CTNNA2: variants seen among roughly 807,000 people sequenced by gnomAD.
The protein encoded by CTNNA2 is catenin alpha-2.
In CTNNA2, 42 loss-of-function variants were observed where a neutral mutation model predicts 101.0. That is an observed-to-expected ratio of 0.42 (90% CI 0.32 to 0.54). The LOEUF is 0.54. CTNNA2 is among the 20% of genes least tolerant of loss of function. The pLI, the probability that CTNNA2 is intolerant of heterozygous loss-of-function variation, is 0.14. For synonymous variants in CTNNA2, 450 were observed against 456.4 expected, an observed-to-expected ratio of 0.99 and a Z score of 0.18; for missense variants, 871 against 1,223.1, an observed-to-expected ratio of 0.71 and a Z score of 4.29.
At chr2:80,243,132 A>G (rs1324844854) in intron 7 of CTNNA2, among the ~76,000 whole-genome samples, 1 of 152,168 alleles carries the variant, frequency 6.6e-6, no homozygotes, top group Non-Finnish European at 1.5e-5. Context: ...TGAGCATGTT[A>G]TTTGGTTTAA....
At chr2:79,398,849 TA>T (rs5832388) in intron 4 of CTNNA2, among the ~76,000 whole-genome samples, 109,393 of 146,578 alleles carry the variant, frequency 0.75, 40,352 homozygotes, top group East Asian at 0.93. Context: ...AGTGTTTAGT[TA>T]AAAAAAAAAA....
intron 1 of CTNNA2, among the ~76,000 whole-genome samples, chr2:79,635,037 AG>A (rs141381955): frequency 0.055 from 8,326 of 152,172 alleles, 323 homozygotes; most frequent in Non-Finnish European, 0.078. Context: ...AAGGGATCAG[AG>A]GGGGTAAGAT....
At chr2:79,282,824 A>G (rs1264701635) in intron 2 of CTNNA2, among the ~76,000 whole-genome samples, 1 of 105,060 alleles carries the variant, frequency 9.5e-6, no homozygotes, top group Non-Finnish European at 2.2e-5. Flanking sequence ...ATCCCTGAGG[A>G]ATCACCACAC....
intron 4 of CTNNA2, among the ~76,000 whole-genome samples, chr2:79,457,057 C>T (rs1210358640): frequency 1.3e-5 from 2 of 151,864 alleles, no homozygotes; most frequent in African/African-American, 4.8e-5. Context: ...AAAAAATTAG[C>T]CGGGCGCGGT....
intron 1 of CTNNA2, among the ~76,000 whole-genome samples, chr2:79,559,334 T>G (rs955135453): frequency 6.6e-6 from 1 of 151,880 alleles, no homozygotes; most frequent in African/African-American, 2.4e-5. Flanking sequence ...CTAGGCCTTA[T>G]TCTTTGGAGT....
At chr2:79,670,775 T>C (rs966354623) in intron 2 of CTNNA2, among the ~76,000 whole-genome samples, 1 of 152,192 alleles carries the variant, frequency 6.6e-6, no homozygotes, top group Non-Finnish European at 1.5e-5. Context: ...ACGCTTTTGC[T>C]CTGGATCACG....
intron 7 of CTNNA2, among the ~76,000 whole-genome samples, chr2:80,377,469 C>G (rs977126163): frequency 1.3e-5 from 2 of 152,166 alleles, no homozygotes; most frequent in African/African-American, 4.8e-5. Flanking sequence ...AACTGAGATT[C>G]AGTGAGTTTA....
intron 1 of CTNNA2, among the ~76,000 whole-genome samples, chr2:79,513,980 C>G (rs1671672140): frequency 6.6e-6 from 1 of 152,108 alleles, no homozygotes; most frequent in South Asian, 2.1e-4. Context: ...AGCTTGTGTT[C>G]TTTTCCCCTA....
chr2:79,274,227 A>G (rs545282810), intron 2 of CTNNA2, among the ~76,000 whole-genome samples: 1 of 152,108 alleles, frequency 6.6e-6, no homozygotes, highest in East Asian at 1.9e-4. Flanking sequence ...CAACCTCACT[A>G]TTTTAAAGAT....
At chr2:80,347,243 T>C (rs1472524626) in intron 7 of CTNNA2, among the ~76,000 whole-genome samples, 1 of 152,228 alleles carries the variant, frequency 6.6e-6, no homozygotes, top group Non-Finnish European at 1.5e-5. Flanking sequence ...GACGTGGGGA[T>C]GAGTTGAATG....
At chr2:79,595,161 C>G (rs1341127620) in intron 1 of CTNNA2, among the ~76,000 whole-genome samples, 1 of 152,136 alleles carries the variant, frequency 6.6e-6, no homozygotes, top group Non-Finnish European at 1.5e-5. Flanking sequence ...GTCAACCATT[C>G]CACTCTCACC....
intron 3 of CTNNA2, among the ~76,000 whole-genome samples, chr2:79,323,677 C>G (rs1676677041): frequency 6.6e-6 from 1 of 152,114 alleles, no homozygotes; most frequent in African/African-American, 2.4e-5. Flanking sequence ...GTTGGTTCTT[C>G]CCTTTTTAGT....
At chr2:80,639,354 C>T (rs1347610333) in intron 18 of CTNNA2, among the ~76,000 whole-genome samples, 2 of 152,084 alleles carry the variant, frequency 1.3e-5, no homozygotes, top group Non-Finnish European at 2.9e-5. Context: ...GGATTACAGG[C>T]ACCTGCCACC....
At chr2:79,875,559 G>T (rs1424551862) in intron 6 of CTNNA2, among the ~76,000 whole-genome samples, 1 of 152,154 alleles carries the variant, frequency 6.6e-6, no homozygotes, top group African/African-American at 2.4e-5. Context: ...GGAAAAAAAG[G>T]TCCAGGAGCA....
chr2:79,855,911 G>T (rs1174597244), intron 3 of CTNNA2, among the ~76,000 whole-genome samples: 1 of 152,186 alleles, frequency 6.6e-6, no homozygotes, highest in Non-Finnish European at 1.5e-5. Context: ...ACTGTATAAA[G>T]TAGGGAAAAG....
intron 7 of CTNNA2, among the ~76,000 whole-genome samples, chr2:80,065,295 C>G (rs952076499): frequency 2.0e-4 from 31 of 151,876 alleles, no homozygotes; most frequent in African/African-American, 7.5e-4. Context: ...TGGCAGAAGT[C>G]GATATACCTA....
At chr2:79,536,456 G>T (rs1573278412) in intron 1 of CTNNA2, among the ~76,000 whole-genome samples, 3 of 152,122 alleles carry the variant, frequency 2.0e-5, no homozygotes. Flanking sequence ...CCAGATACCA[G>T]TAGTACAATC....
intron 9 of CTNNA2, among the ~76,000 whole-genome samples, chr2:80,455,458 T>C (rs1416411154): frequency 1.3e-5 from 2 of 152,140 alleles, no homozygotes; most frequent in African/African-American, 4.8e-5. Flanking sequence ...TTCTTTTTTG[T>C]GGGCATGAGT....
chr2:80,193,252 C>A (rs1706635256), intron 7 of CTNNA2, among the ~76,000 whole-genome samples: 1 of 152,092 alleles, frequency 6.6e-6, no homozygotes, highest in South Asian at 2.1e-4. Flanking sequence ...GTTCCTTTGT[C>A]CCTTTCCACT....
Sources: allele counts gnomAD v4.1 joint callset (sites outside exome capture counted in the v4.1 genomes callset), GRCh38; gene constraint gnomAD v4.1.1; transcripts MANE v1.5; gene names NCBI Gene and HGNC (gene_info 2026-07-23, HGNC 2026-07-21).